HS3ST4: variants seen among roughly 807,000 people sequenced by gnomAD.
HS3ST4 encodes the protein heparan sulfate glucosamine 3-O-sulfotransferase 4.
HS3ST4 carries 17 observed loss-of-function variants against 29.2 expected under a neutral mutation model. The ratio of observed to expected loss-of-function variants is 0.58; its 90% CI spans 0.40 to 0.87. HS3ST4 has a LOEUF of 0.87. Among genes scored for constraint, HS3ST4 ranks in the 40% least tolerant of loss-of-function variants. The pLI, the probability that HS3ST4 is intolerant of heterozygous loss-of-function variation, is 0.00. For missense variants in HS3ST4, 627 were observed against 634.5 expected (o/e 0.99, Z 0.13); for synonymous variants, 314 against 285.7 (o/e 1.10, Z -1.00).
intron 1 of HS3ST4, among the ~76,000 whole-genome samples, chr16:25,846,494 A>T (rs1250633078): frequency 1.3e-5 from 2 of 151,600 alleles, no homozygotes; most frequent in Admixed American, 6.6e-5. Flanking sequence ...TGATCACACC[A>T]CTACACTCCA....
At chr16:25,818,960 CT>C (rs2141632294) in intron 1 of HS3ST4, among the ~76,000 whole-genome samples, 1 of 152,214 alleles carries the variant, frequency 6.6e-6, no homozygotes, top group East Asian at 1.9e-4. Context: ...TGGGTGCAAA[CT>C]TGTCAGGCAT....
In HS3ST4 at chr16:26,137,198, T is replaced by C. The variant is rs1171716300; in HGVS notation, c.*950T>C. 3 of 152,114 alleles carry C rather than the reference T, an allele frequency of 2.0e-5. No homozygotes were observed. The highest frequency in any genetic ancestry group is 4.4e-5 in the Non-Finnish European group (3 of 68,028). 9.4% of individuals were successfully genotyped at this position (152,114 alleles called of 1,614,324 possible). On this transcript the variant is annotated 3_prime_UTR_variant, in exon 2 of 2. Transcript: ENST00000331351. ...AGCACTGTAGTTCTGAGCATGTTTT[T>C]GGGGTGGACTCTGTCCCCTAGGGTC...
intron 1 of HS3ST4, among the ~76,000 whole-genome samples, chr16:26,030,668 T>G (rs890215108): frequency 2.6e-5 from 4 of 152,168 alleles, no homozygotes; most frequent in African/African-American, 7.2e-5. Context: ...TCACCTAGGT[T>G]GAGTCTCATT....
intron 1 of HS3ST4, among the ~76,000 whole-genome samples, chr16:26,055,152 G>A (rs563549803): frequency 1.3e-5 from 2 of 151,136 alleles, no homozygotes; most frequent in South Asian, 4.3e-4. Flanking sequence ...AATCATTCAT[G>A]AGAGAGGGTC....
At chr16:26,127,486 C>G (rs1899360300) in intron 1 of HS3ST4, among the ~76,000 whole-genome samples, 1 of 152,216 alleles carries the variant, frequency 6.6e-6, no homozygotes, top group African/African-American at 2.4e-5. Context: ...ACCAGGGATT[C>G]TTTCCCCAAG....
intron 1 of HS3ST4, among the ~76,000 whole-genome samples, chr16:25,828,300 C>CTTTCTT (rs1567249517): frequency 1.8e-5 from 1 of 56,770 alleles, no homozygotes; most frequent in Non-Finnish European, 3.3e-5. Flanking sequence ...TTCTTTCTTT[C>CTTTCTT]CCTCTCTCTC....
At chr16:25,732,544 G>A (rs987686479) in intron 1 of HS3ST4, among the ~76,000 whole-genome samples, 1 of 152,146 alleles carries the variant, frequency 6.6e-6, no homozygotes, top group Non-Finnish European at 1.5e-5. Context: ...GTCACCTTCA[G>A]CTGGTGTTCT....
intron 1 of HS3ST4, among the ~76,000 whole-genome samples, chr16:25,912,069 C>T (rs1012528888): frequency 1.3e-5 from 2 of 152,126 alleles, no homozygotes; most frequent in Non-Finnish European, 2.9e-5. Context: ...GTCTCAAGTC[C>T]ATCTGGAAAA....
intron 1 of HS3ST4, among the ~76,000 whole-genome samples, chr16:25,915,170 CG>C (rs771295956): frequency 7.9e-5 from 12 of 152,140 alleles, no homozygotes; most frequent in Non-Finnish European, 1.6e-4. Flanking sequence ...TGCTCTACGA[CG>C]TGCTTCATTC....
rs9927900 is a variant in HS3ST4, at chr16:25,826,974, G to C, written c.734+133823G>C. On this transcript the variant is annotated intron_variant, in intron 1 of 1. Transcript: ENST00000331351. The stretch of plus-strand genomic sequence containing the variant: ...TGTGCCTTTGTTTGCAAGTAACAGA[G>C]GATCATTCAAACTAGGCTACAGAAA... Among the ~76,000 whole-genome samples the C allele has an allele frequency of 2.4e-3, 370 of 151,960 alleles. 4 individuals carry two copies. Among genetic ancestry groups the C allele is most frequent in the African/African-American group, 8.2e-3 (340 of 41,418 alleles).
At chr16:25,697,647 A>G (rs1966307196) in intron 1 of HS3ST4, among the ~76,000 whole-genome samples, 2 of 152,210 alleles carry the variant, frequency 1.3e-5, no homozygotes, top group South Asian at 2.1e-4. Context: ...GTTAACATGT[A>G]GATTTGGATT....
chr16:25,862,768 A>G (rs1967651851), intron 1 of HS3ST4, among the ~76,000 whole-genome samples: 2 of 152,258 alleles, frequency 1.3e-5, no homozygotes, highest in African/African-American at 4.8e-5. Flanking sequence ...TATTTGGTGC[A>G]TGTGCACATG....
intron 1 of HS3ST4, among the ~76,000 whole-genome samples, chr16:25,757,496 G>C (rs146358272): frequency 6.6e-6 from 1 of 151,278 alleles, no homozygotes; most frequent in African/African-American, 2.4e-5. Flanking sequence ...CCAGCAATGG[G>C]TGCTCACTTT....
At chr16:26,104,274 C>T (rs1167547962) in intron 1 of HS3ST4, among the ~76,000 whole-genome samples, 1 of 152,184 alleles carries the variant, frequency 6.6e-6, no homozygotes, top group Non-Finnish European at 1.5e-5. Context: ...AATCCAGCCC[C>T]CACTCCGTCA....
intron 1 of HS3ST4, among the ~76,000 whole-genome samples, chr16:26,092,252 A>G (rs1175799348): frequency 6.6e-6 from 1 of 152,186 alleles, no homozygotes; most frequent in Non-Finnish European, 1.5e-5. Context: ...GTGGCAAAGA[A>G]TTGGCCAAAA....
intron 1 of HS3ST4, among the ~76,000 whole-genome samples, chr16:25,886,311 T>G: frequency 6.6e-6 from 1 of 151,676 alleles, no homozygotes; most frequent in East Asian, 1.9e-4. Context: ...GGGATTAGAG[T>G]AGTGAGCCAC....
intron 1 of HS3ST4, among the ~76,000 whole-genome samples, chr16:25,797,606 A>G (rs907941364): frequency 2.6e-5 from 4 of 152,100 alleles, no homozygotes; most frequent in Non-Finnish European, 5.9e-5. Context: ...CATTCCAAAC[A>G]CTCCTTGTAT....
At chr16:25,882,552 G>A (rs1253575031) in intron 1 of HS3ST4, among the ~76,000 whole-genome samples, 1 of 152,080 alleles carries the variant, frequency 6.6e-6, no homozygotes, top group Non-Finnish European at 1.5e-5. Context: ...ATGAAGGCAT[G>A]TTTTAGTGTC....
chr16:25,882,315 CT>C (rs1967902630), intron 1 of HS3ST4, among the ~76,000 whole-genome samples: 1 of 152,096 alleles, frequency 6.6e-6, no homozygotes, highest in Non-Finnish European at 1.5e-5. Context: ...AAGGGAAGAG[CT>C]TTGGAGACTT....
Sources: gnomAD v4.1 joint callset for allele counts (sites outside exome capture counted in the v4.1 genomes callset) on GRCh38, gnomAD v4.1.1 for gene constraint, MANE v1.5 for transcripts, NCBI Gene and HGNC (gene_info 2026-07-23, HGNC 2026-07-21) for gene names.